The following SLC8A3 variants were observed in gnomAD, a reference collection of about 807,000 sequenced individuals.
SLC8A3 encodes the protein sodium/calcium exchanger 3.
In SLC8A3, 37 loss-of-function variants were observed where a neutral mutation model predicts 65.4. That is an observed-to-expected ratio of 0.57 (90% CI 0.44 to 0.74). SLC8A3 has a LOEUF of 0.74. SLC8A3 is among the 30% of genes least tolerant of loss of function. The probability of loss-of-function intolerance (pLI) is 0.00; values close to 1 mark genes in which losing one functional copy is unlikely to be tolerated. For synonymous variants in SLC8A3, 461 were observed against 444.5 expected, an observed-to-expected ratio of 1.04 and a Z score of -0.47; for missense variants, 1,112 against 1,172.1, an observed-to-expected ratio of 0.95 and a Z score of 0.75.
intron 2 of SLC8A3, among the ~76,000 whole-genome samples, chr14:70,164,431 A>T (rs1390336769): frequency 6.6e-6 from 1 of 152,188 alleles, no homozygotes; most frequent in Admixed American, 6.5e-5. Context: ...ATGGATGGGA[A>T]CATAGATTTG....
chr14:70,080,797 A>G (rs1178349738), intron 2 of SLC8A3, among the ~76,000 whole-genome samples: 1 of 152,204 alleles, frequency 6.6e-6, no homozygotes, highest in Non-Finnish European at 1.5e-5. Context: ...GTAGGCTCCA[A>G]GCTGATGTAA....
chr14:70,160,711 C>T (rs1896831080), intron 2 of SLC8A3, among the ~76,000 whole-genome samples: 1 of 151,996 alleles, frequency 6.6e-6, no homozygotes, highest in Non-Finnish European at 1.5e-5. Flanking sequence ...TACCGCATGC[C>T]TAGTCCCTAA....
intron 2 of SLC8A3, among the ~76,000 whole-genome samples, chr14:70,086,401 CTTTTTTT>C (rs10605312): frequency 4.9e-4 from 57 of 116,158 alleles, no homozygotes; most frequent in African/African-American, 1.5e-3. Flanking sequence ...TTTCTTTTTT[CTTTTTTT>C]TTTTTTTTTT....
chr14:70,113,630 T>G (rs1364291941), intron 2 of SLC8A3, among the ~76,000 whole-genome samples: 3 of 152,222 alleles, frequency 2.0e-5, no homozygotes, highest in African/African-American at 7.2e-5. Flanking sequence ...TACCTCAATG[T>G]TGATCCCTTA....
chr14:70,089,613 G>A (rs61977423), intron 2 of SLC8A3, among the ~76,000 whole-genome samples: 11,565 of 152,196 alleles, frequency 0.076, 517 homozygotes, highest in Non-Finnish European at 0.11. Flanking sequence ...CTAGATATGA[G>A]GGAACAGAGC....
At chr14:70,138,304 T>G (rs1895350656) in intron 2 of SLC8A3, among the ~76,000 whole-genome samples, 1 of 152,208 alleles carries the variant, frequency 6.6e-6, no homozygotes, top group African/African-American at 2.4e-5. Context: ...GTATCTTCTT[T>G]GTTCACTGCT....
intron 2 of SLC8A3, among the ~76,000 whole-genome samples, chr14:70,087,783 T>C (rs751395591): frequency 2.0e-5 from 3 of 152,192 alleles, no homozygotes; most frequent in Non-Finnish European, 4.4e-5. Context: ...CATTTCTATT[T>C]TATAAAAGAC....
chr14:70,069,840 T>C (rs1229956934), intron 2 of SLC8A3, among the ~76,000 whole-genome samples: 2 of 152,178 alleles, frequency 1.3e-5, no homozygotes, highest in African/African-American at 2.4e-5. Flanking sequence ...AATGTGCACA[T>C]GAATCACCCA....
At chr14:70,113,898 C>G in intron 2 of SLC8A3, among the ~76,000 whole-genome samples, 1 of 34,982 alleles carries the variant, frequency 2.9e-5, no homozygotes, top group South Asian at 2.4e-3. Flanking sequence ...TGACAGTAGC[C>G]TAGGGGACAT....
At chr14:70,068,249 T>C (rs1274702978) in intron 2 of SLC8A3, among the ~76,000 whole-genome samples, 1 of 152,202 alleles carries the variant, frequency 6.6e-6, no homozygotes, top group African/African-American at 2.4e-5. Flanking sequence ...GCAGCATTTA[T>C]TAGTTGAACA....
At chr14:70,172,471 A>C (rs1255812337) in intron 1 of SLC8A3, among the ~76,000 whole-genome samples, 1 of 152,142 alleles carries the variant, frequency 6.6e-6, no homozygotes, top group East Asian at 1.9e-4. Flanking sequence ...TTCCAGTCTT[A>C]TGTGGACTTA....
Position 70,167,931 on chromosome 14 carries a change from A to G in SLC8A3, c.492T>C (p.Asp164=), listed in dbSNP as rs1594796089. The part of the protein sequence containing the change: ...EVCGHGFIAG[D]LGPSTIVGSA... ...TCCCTACAATGGTAGAAGGTCCCAG[A>G]TCACCAGCAATGAACCCATGACCAC... The change falls in exon 2 of 7, where the codon GAT becomes GAC. Residue 164 remains aspartate (D), a synonymous_variant. Coordinates refer to ENST00000356921, the MANE Select transcript of SLC8A3 (RefSeq NM_182932.3). The G allele has an allele frequency of 6.2e-7, 1 of 1,614,190 alleles. No homozygotes were observed. Among genetic ancestry groups the G allele is most frequent in the Non-Finnish European group, 8.5e-7 (1 of 1,180,026 alleles).
At chr14:70,186,206 C>A (rs1444449608) in intron 1 of SLC8A3, among the ~76,000 whole-genome samples, 1 of 152,126 alleles carries the variant, frequency 6.6e-6, no homozygotes, top group Non-Finnish European at 1.5e-5. Flanking sequence ...CTTGCTGCCG[C>A]CATGTGAAGA....
At chr14:70,172,525 C>G (rs1897613303) in intron 1 of SLC8A3, among the ~76,000 whole-genome samples, 1 of 152,172 alleles carries the variant, frequency 6.6e-6, no homozygotes, top group South Asian at 2.1e-4. Context: ...GAGAAACTTA[C>G]TGTTTCGATG....
At chr14:70,097,602 A>G (rs1404049910) in intron 2 of SLC8A3, among the ~76,000 whole-genome samples, 2 of 152,242 alleles carry the variant, frequency 1.3e-5, no homozygotes, top group African/African-American at 2.4e-5. Context: ...GAATTAGGGA[A>G]AATGAGTTAA....
chr14:70,068,561 A>G (rs1475992707), intron 2 of SLC8A3, among the ~76,000 whole-genome samples: 1 of 151,890 alleles, frequency 6.6e-6, no homozygotes, highest in Non-Finnish European at 1.5e-5. Flanking sequence ...AAAAATTATT[A>G]TTGGTAGAGA....
At chr14:70,075,427 G>T (rs1318138268) in intron 2 of SLC8A3, among the ~76,000 whole-genome samples, 7 of 152,208 alleles carry the variant, frequency 4.6e-5, no homozygotes, top group African/African-American at 1.7e-4. Flanking sequence ...AATGGGAGGA[G>T]GGTGGAGTGT....
intron 4 of SLC8A3, 78 bp downstream of exon 4, chr14:70,051,912 T>G (rs1282218646): frequency 4.8e-6 from 6 of 1,257,474 alleles, no homozygotes; most frequent in Non-Finnish European, 6.8e-6. Flanking sequence ...CTAGTGAAAG[T>G]GGAAAAAAAC....
At chr14:70,187,994 A>T (rs922949696) in intron 1 of SLC8A3, among the ~76,000 whole-genome samples, 1 of 152,098 alleles carries the variant, frequency 6.6e-6, no homozygotes, top group African/African-American at 2.4e-5. Flanking sequence ...ACATGCATCC[A>T]GCACACACAA....
Sources: gnomAD v4.1 joint callset for allele counts (sites outside exome capture counted in the v4.1 genomes callset) on GRCh38, gnomAD v4.1.1 for gene constraint, MANE v1.5 for transcripts, NCBI Gene and HGNC (gene_info 2026-07-23, HGNC 2026-07-21) for gene names.